Variants in DOCK11 observed in about 807,000 individuals in gnomAD.
DOCK11 encodes dedicator of cytokinesis protein 11.
DOCK11 carries 70 observed loss-of-function variants against 169.1 expected under a neutral mutation model. The ratio of observed to expected loss-of-function variants is 0.41; its 90% CI spans 0.34 to 0.51. The LOEUF (loss-of-function observed/expected upper bound fraction) is 0.51. DOCK11 is among the 20% of genes least tolerant of loss of function. The pLI, the probability that DOCK11 is intolerant of heterozygous loss-of-function variation, is 0.10. For missense variants in DOCK11, 1,166 were observed against 1,538.8 expected (o/e 0.76, Z 4.05); for synonymous variants, 529 against 541.3 (o/e 0.98, Z 0.32).
At chrX:118,639,374 A>G (rs1013953142) in intron 37 of DOCK11, 61 bp from the exon 38 acceptor site, 6 of 1,124,108 alleles carry the variant, frequency 5.3e-6, no homozygotes, top group Admixed American at 5.1e-5. Flanking sequence ...AGTTAAAAAG[A>G]TGATAACATT....
chrX:118,546,291 G>A (rs1285666827), intron 6 of DOCK11, among the ~76,000 whole-genome samples, 175 bp downstream of exon 6: 4 of 102,166 alleles, frequency 3.9e-5, no homozygotes, highest in Non-Finnish European at 7.9e-5. Context: ...GATAAATTTA[G>A]AAGTGCAACT....
At chrX:118,671,833 CCA>C (rs2016480962) in intron 46 of DOCK11, among the ~76,000 whole-genome samples, 1 of 112,094 alleles carries the variant, frequency 8.9e-6, no homozygotes, top group East Asian at 2.8e-4. Context: ...GCATGCACCA[CCA>C]CGCCCCGCTA....
At chrX:118,546,210 CA>C (rs1556269491) in intron 6 of DOCK11, 94 bp downstream of exon 6, 606 of 48,457 alleles carry the variant, frequency 0.013, 16 homozygotes, top group East Asian at 0.028. Context: ...AGAGCCCTAG[CA>C]AAAAAAAAAA....
chrX:118,516,353 C>T (rs1458900152), intron 1 of DOCK11, among the ~76,000 whole-genome samples: 1 of 106,851 alleles, frequency 9.4e-6, no homozygotes, highest in Non-Finnish European at 1.9e-5. Flanking sequence ...CCTCGGCCTC[C>T]CAAAGTGCTG....
At chrX:118,516,156 G>A (rs2057686281) in intron 1 of DOCK11, among the ~76,000 whole-genome samples, 1 of 80,090 alleles carries the variant, frequency 1.2e-5, no homozygotes, top group African/African-American at 5.4e-5. Context: ...GCAGTGGCAT[G>A]ATCTCGACTC....
At position 118,608,239 on chromosome X, in the gene DOCK11, C is replaced by T. The variant is rs1476408258; in HGVS notation, c.2760C>T (p.Phe920=). 8.3e-7 allele frequency: 1 copy of T among 1,204,918 alleles called. No individual in the cohort carries two copies. The highest frequency in any genetic ancestry group is 1.1e-6 in the Non-Finnish European group (1 of 893,192). The change falls in exon 26 of 53, where the codon TTC becomes TTT. Residue 920 remains phenylalanine, a synonymous_variant. Transcript: ENST00000276202. ...TGTTTGTTTATTTGTAGTATAGCTT[C>T]CGACCTGAAAAACCGAGTGCTCCTC... The part of the protein sequence containing the change: ...SYLRSFIKYS[F]RPEKPSAPQA...
intron 7 of DOCK11, among the ~76,000 whole-genome samples, chrX:118,565,092 C>A (rs896533592): frequency 2.1e-5 from 2 of 94,675 alleles, no homozygotes; most frequent in African/African-American, 7.2e-5. Context: ...TGCGCCATCA[C>A]GCCTGGCTAT....
rs2016740251 is a variant in DOCK11 at position 118,681,415 on chromosome X, A to G, written c.5862+167A>G. On this transcript the variant is annotated intron_variant, in intron 50 of 52. Transcript: ENST00000276202. ...ATGAAGATATTACATTGAATTTTTT[A>G]AAGTTTTGTGTTATGTCAGAGGACT... 3.5e-5 allele frequency among the ~76,000 whole-genome samples: 4 copies of G among 112,731 alleles called. No individual in the cohort carries two copies. In the South Asian group the frequency reaches 1.4e-3, roughly 41 times the overall value.
intron 20 of DOCK11, among the ~76,000 whole-genome samples, 178 bp from the exon 21 acceptor site, chrX:118,597,253 T>C (rs1200703611): frequency 3.6e-5 from 4 of 111,346 alleles, no homozygotes; most frequent in Non-Finnish European, 7.5e-5. Context: ...CAGGCTGGGA[T>C]TCAGAGTCGA....
At chrX:118,569,733 AT>A (rs3084778) in intron 10 of DOCK11, among the ~76,000 whole-genome samples, 6,875 of 102,383 alleles carry the variant, frequency 0.067, 455 homozygotes, top group African/African-American at 0.19. Flanking sequence ...AAGTTATGTG[AT>A]TTTTTTTTTT....
intron 10 of DOCK11, among the ~76,000 whole-genome samples, chrX:118,570,404 T>A (rs2013235963): frequency 8.9e-6 from 1 of 112,121 alleles, no homozygotes; most frequent in Admixed American, 9.4e-5. Context: ...GGGTGGAAAT[T>A]AAAATTGATC....
chrX:118,581,244 A>C (rs1242215725), intron 14 of DOCK11, among the ~76,000 whole-genome samples: 1 of 111,023 alleles, frequency 9.0e-6, no homozygotes, highest in South Asian at 3.8e-4. Flanking sequence ...TAACTCTTTT[A>C]TTTGTCACTA....
intron 40 of DOCK11, among the ~76,000 whole-genome samples, chrX:118,644,309 T>G (rs985581482): frequency 7.1e-5 from 8 of 112,343 alleles, no homozygotes; most frequent in Admixed American, 3.8e-4. Context: ...ATTTGTGTAA[T>G]AGGCTAGCTA....
Position 118,661,676 on chromosome X carries a change from G to C in DOCK11, c.4970-1010G>C, listed in dbSNP as rs141490959. ...TCAATGGTTATGTTATAAAGAGGCA[G>C]AATTTTCCTTGAACTCTAAAATTAC... On this transcript the variant is annotated intron_variant, in intron 44 of 52. Transcript: ENST00000276202. Among the ~76,000 whole-genome samples, 19 of 112,020 alleles carry C rather than the reference G, an allele frequency of 1.7e-4. No homozygotes were observed. In the East Asian group the frequency reaches 5.0e-3, roughly 30 times the overall value.
rs1458593776 is a variant in DOCK11, at chrX:118,676,229, A to G, written c.5313+180A>G. On this transcript the variant is annotated intron_variant, in intron 47 of 52. Transcript: ENST00000276202. ...TCTAAACCCTTCAGGTCAGAATACA[A>G]CAGAAAAGGTTTTGATTTCTGTCAG... Among the ~76,000 whole-genome samples the G allele has an allele frequency of 2.7e-5, 3 of 112,075 alleles. No homozygotes were observed. The East Asian group carries it at 8.3e-4, about 31-fold the overall frequency.
chrX:118,531,551 A>G (rs973129633), intron 1 of DOCK11, among the ~76,000 whole-genome samples: 2 of 104,689 alleles, frequency 1.9e-5, no homozygotes, highest in African/African-American at 7.0e-5. Context: ...GTGTGTATAT[A>G]TATATATATA....
chrX:118,600,426 A>AAAGC (rs1353594350), intron 23 of DOCK11, among the ~76,000 whole-genome samples: 1 of 98,743 alleles, frequency 1.0e-5, no homozygotes, highest in East Asian at 3.4e-4. Flanking sequence ...AAAAAAAAAG[A>AAAGC]AAAAAGAAAA....
intron 19 of DOCK11, 126 bp from the exon 20 acceptor site, chrX:118,593,088 A>G: frequency 1.6e-6 from 1 of 643,064 alleles, no homozygotes; most frequent in Non-Finnish European, 2.4e-6. Context: ...AATGATACCT[A>G]CTATTTGGCC....
chrX:118,648,015 AATATAAATTATAATAT>A, intron 40 of DOCK11, among the ~76,000 whole-genome samples: 2 of 53,371 alleles, frequency 3.7e-5, no homozygotes, highest in African/African-American at 7.6e-5. Flanking sequence ...TATAATATAT[AATATAAATTATAATAT>A]TATATAATAA....
Sources: gnomAD v4.1 joint callset for allele counts (sites outside exome capture counted in the v4.1 genomes callset) on GRCh38, gnomAD v4.1.1 for gene constraint, MANE v1.5 for transcripts, NCBI Gene and HGNC (gene_info 2026-07-23, HGNC 2026-07-21) for gene names.